GKAP1: variants seen among roughly 807,000 people sequenced by gnomAD.
The protein encoded by GKAP1 is G kinase-anchoring protein 1.
A neutral mutation model predicts 56.7 loss-of-function variants in GKAP1; 31 were observed. That is an observed-to-expected ratio of 0.55 (90% confidence interval 0.41 to 0.74). The LOEUF (loss-of-function observed/expected upper bound fraction) is 0.74. Among genes scored for constraint, GKAP1 ranks in the 30% least tolerant of loss-of-function variants. The probability of loss-of-function intolerance (pLI) is 0.00; values close to 1 mark genes in which losing one functional copy is unlikely to be tolerated. For synonymous variants in GKAP1, 151 were observed against 138.6 expected (o/e 1.09, Z -0.63); for missense variants, 364 against 402.3 (o/e 0.90, Z 0.82).
intron 7 of GKAP1, among the ~76,000 whole-genome samples, chr9:83,777,913 C>T (rs896693291): frequency 2.0e-5 from 3 of 151,980 alleles, no homozygotes; most frequent in South Asian, 2.1e-4. Context: ...ATGGTATAAC[C>T]GTTGTAACAT....
intron 7 of GKAP1, among the ~76,000 whole-genome samples, chr9:83,777,040 T>C (rs1429056698): frequency 6.6e-6 from 1 of 152,224 alleles, no homozygotes; most frequent in Admixed American, 6.5e-5. Flanking sequence ...AATATAATTT[T>C]TACATAAGTA....
chr9:83,806,329 C>T lies in GKAP1; in HGVS notation c.189G>A (p.Lys63=). ...EKKREKRRKK[K]EQQQSEANEL... is the part of the protein sequence containing the mutation. ...CATTTGCTTCACTCTGTTGCTGTTC[C>T]TTCTTTTTTCTTCTTTTCTCTCTTT... The change falls in exon 3 of 13, where the codon AAG becomes AAA. Residue 63 remains lysine (K), a synonymous_variant. Coordinates refer to ENST00000376371, the MANE Select transcript of GKAP1 (RefSeq NM_025211.4). 1 of 1,551,606 alleles carries T rather than the reference C, an allele frequency of 6.4e-7. No homozygotes were observed. Among genetic ancestry groups the T allele is most frequent in the Non-Finnish European group, 8.7e-7 (1 of 1,146,956 alleles).
At position 83,784,709 on chromosome 9, in the gene GKAP1, C is replaced by T. The variant is rs748708278; in HGVS notation, c.562+6G>A. The T allele has an allele frequency of 1.3e-6, 2 of 1,577,694 alleles. No individual in the cohort carries two copies. The highest frequency in any genetic ancestry group is 1.2e-5 in the South Asian group (1 of 86,074). On this transcript the variant is annotated splice_donor_region_variant and intron_variant, in intron 6 of 12. Coordinates refer to ENST00000376371, the MANE Select transcript of GKAP1 (RefSeq NM_025211.4). ...TTTTAGCATAATAGCATTGTATATA[C>T]ATTACCTTCCGAATGAAAATCTTTT...
intron 4 of GKAP1, among the ~76,000 whole-genome samples, chr9:83,797,774 A>C (rs768524739): frequency 3.5e-4 from 54 of 152,338 alleles, no homozygotes; most frequent in Middle Eastern, 3.4e-3. Context: ...TGTTGCATGG[A>C]ATTTATTTTG....
rs145135096 is a variant in GKAP1 at position 83,790,108 on chromosome 9, C to T, written c.361-1430G>A. On this transcript the variant is annotated intron_variant, in intron 4 of 12. Coordinates refer to ENST00000376371, the MANE Select transcript of GKAP1 (RefSeq NM_025211.4). ...CTAAGCAAAGTCATCCCTTTGAAAG[C>T]ATCTAATCCTATGCTGATACAATAA... is the stretch of plus-strand genomic sequence containing the variant. 3.8e-3 allele frequency among the ~76,000 whole-genome samples: 575 copies of T among 152,156 alleles called. 9 individuals are homozygous for T. Among genetic ancestry groups the T allele is most frequent in the African/African-American group, 0.013 (540 of 41,520 alleles).
intron 8 of GKAP1, among the ~76,000 whole-genome samples, chr9:83,764,824 C>G (rs10868057): frequency 0.55 from 83,155 of 151,968 alleles, 23,674 homozygotes; most frequent in Admixed American, 0.69. Flanking sequence ...GGTGACTTAG[C>G]GTATCTGGTG....
chr9:83,809,879 C>G (rs986733250), intron 2 of GKAP1, among the ~76,000 whole-genome samples: 72 of 152,340 alleles, frequency 4.7e-4, no homozygotes, highest in African/African-American at 1.7e-3. Flanking sequence ...ATGATTATGG[C>G]TCACTGCAGC....
intron 10 of GKAP1, among the ~76,000 whole-genome samples, chr9:83,744,693 T>C (rs1221449112): frequency 6.6e-6 from 1 of 152,220 alleles, no homozygotes; most frequent in Non-Finnish European, 1.5e-5. Flanking sequence ...GATTTTTTGT[T>C]TCTTTGAGAC....
At chr9:83,739,783 C>T (rs1220183038) in intron 12 of GKAP1, 39 bp from the exon 13 acceptor site, 1 of 1,535,236 alleles carries the variant, frequency 6.5e-7, no homozygotes, top group South Asian at 1.2e-5. Context: ...TTATTTACAA[C>T]ATACCATTTT....
intron 8 of GKAP1, among the ~76,000 whole-genome samples, chr9:83,763,108 TA>T (rs1191433914): frequency 6.6e-6 from 1 of 152,070 alleles, no homozygotes; most frequent in Non-Finnish European, 1.5e-5. Flanking sequence ...TCTTCATCCA[TA>T]AAAAAAGATC....
intron 3 of GKAP1, among the ~76,000 whole-genome samples, chr9:83,804,639 C>G (rs1445473247): frequency 7.1e-6 from 1 of 141,442 alleles, no homozygotes; most frequent in Admixed American, 6.8e-5. Flanking sequence ...GTCAGCCCCC[C>G]GCCTGGCCAG....
chr9:83,804,233 C>A (rs561576860), intron 3 of GKAP1, among the ~76,000 whole-genome samples: 2 of 148,890 alleles, frequency 1.3e-5, no homozygotes, highest in African/African-American at 5.0e-5. Context: ...CCAGCCACCC[C>A]GTCCGGGAGG....
chr9:83,792,173 G>A (rs1039237644), intron 4 of GKAP1, among the ~76,000 whole-genome samples: 11 of 152,198 alleles, frequency 7.2e-5, no homozygotes, highest in Admixed American at 3.3e-4. Flanking sequence ...GTACAAGGTA[G>A]TTTTAAGGAC....
intron 7 of GKAP1, among the ~76,000 whole-genome samples, chr9:83,774,802 C>T (rs1233096316): frequency 5.4e-5 from 8 of 149,142 alleles, no homozygotes; most frequent in Admixed American, 1.3e-4. Flanking sequence ...CTCCACCTCC[C>T]GGGTTCAGGC....
chr9:83,777,456 T>G (rs1943883096), intron 7 of GKAP1, among the ~76,000 whole-genome samples: 1 of 152,004 alleles, frequency 6.6e-6, no homozygotes, highest in Admixed American at 6.5e-5. Flanking sequence ...AAAGGCATGA[T>G]TTGTTGAGAT....
chr9:83,779,138 T>C (rs778222915), intron 7 of GKAP1, among the ~76,000 whole-genome samples: 1 of 151,880 alleles, frequency 6.6e-6, no homozygotes, highest in Non-Finnish European at 1.5e-5. Context: ...TTGGAATCAG[T>C]TCAAAAGTAT....
chr9:83,797,810 A>G (rs1366961972), intron 4 of GKAP1, among the ~76,000 whole-genome samples: 1 of 152,226 alleles, frequency 6.6e-6, no homozygotes, highest in African/African-American at 2.4e-5. Context: ...GTTTTCCTTC[A>G]TTAGTTCTCC....
intron 8 of GKAP1, among the ~76,000 whole-genome samples, chr9:83,754,658 G>A (rs1445481926): frequency 6.6e-6 from 1 of 152,184 alleles, no homozygotes; most frequent in African/African-American, 2.4e-5. Flanking sequence ...AAACCAGTAT[G>A]GTAAGATAGT....
intron 8 of GKAP1, among the ~76,000 whole-genome samples, chr9:83,755,072 T>C (rs868331579): frequency 3.3e-5 from 5 of 152,306 alleles, no homozygotes; most frequent in African/African-American, 1.2e-4. Flanking sequence ...TCTAAGTTTC[T>C]AGTTTAAGCA....
Sources: gnomAD v4.1 joint callset for allele counts (sites outside exome capture counted in the v4.1 genomes callset) on GRCh38, gnomAD v4.1.1 for gene constraint, MANE v1.5 for transcripts, NCBI Gene and HGNC (gene_info 2026-07-23, HGNC 2026-07-21) for gene names.